WBP2NL: variants seen among roughly 807,000 people sequenced by gnomAD.
WBP2NL encodes WBP2 N-terminal like, also known as postacrosomal sheath WW domain-binding protein.
Under a neutral mutation model 23.3 loss-of-function variants are expected in WBP2NL, and 27 were observed. That is an observed-to-expected ratio of 1.16 (90% CI 0.85 to 1.60). The LOEUF (loss-of-function observed/expected upper bound fraction) is 1.60, where lower values mean the gene tolerates loss of function less well. WBP2NL is among the 40% of genes most tolerant of loss of function. The pLI is 0.00. For synonymous variants in WBP2NL, 151 were observed against 145.9 expected, an observed-to-expected ratio of 1.03 and a Z score of -0.25; for missense variants, 370 against 389.5, an observed-to-expected ratio of 0.95 and a Z score of 0.42.
At chr22:42,032,503 T>C, downstream of WBP2NL, 1 of 249,108 alleles carries the variant, frequency 4.0e-6, no homozygotes, top group Non-Finnish European at 8.3e-6. Context: ...AGAAAGCCTT[T>C]GCCTTCATGT....
chr22:42,053,816 T>C (rs1266908360), intron 8 of WBP2NL, among the ~76,000 whole-genome samples: 1 of 152,228 alleles, frequency 6.6e-6, no homozygotes, highest in Non-Finnish European at 1.5e-5. Context: ...TGGAGATATG[T>C]CTATTCAAAT....
chr22:42,014,929 A>AT (rs1181507553), intron 1 of WBP2NL, among the ~76,000 whole-genome samples: 1 of 152,178 alleles, frequency 6.6e-6, no homozygotes, highest in Non-Finnish European at 1.5e-5. Flanking sequence ...ACAATAGTTT[A>AT]TTTAAAGTGT....
At chr22:42,019,244 A>G in intron 1 of WBP2NL, 67 bp from the exon 2 acceptor site, 1 of 1,478,682 alleles carries the variant, frequency 6.8e-7, no homozygotes, top group Non-Finnish European at 9.3e-7. Flanking sequence ...AATTGCGTTA[A>G]GAACTTTATG....
At chr22:42,001,091 T>G in intron 1 of WBP2NL, 1 of 1,028,238 alleles carries the variant, frequency 9.7e-7, no homozygotes. Flanking sequence ...CTTGGTTTCA[T>G]CATACAAGAC....
chr22:42,016,321 T>TC (rs34891893), intron 1 of WBP2NL, among the ~76,000 whole-genome samples: 7,757 of 152,132 alleles, frequency 0.051, 281 homozygotes, highest in Admixed American at 0.087. Flanking sequence ...GCCTCATCAG[T>TC]CCCGGGAAAA....
At chr22:42,057,340 T>TAGTTGA (rs1926077650) in intron 8 of WBP2NL, among the ~76,000 whole-genome samples, 1 of 152,216 alleles carries the variant, frequency 6.6e-6, no homozygotes, top group Non-Finnish European at 1.5e-5. Context: ...TCATTTCAAC[T>TAGTTGA]ATTGTACTTT....
intron 1 of WBP2NL, among the ~76,000 whole-genome samples, chr22:42,000,601 C>G (rs1921538027): frequency 6.6e-6 from 1 of 152,048 alleles, no homozygotes; most frequent in African/African-American, 2.4e-5. Context: ...TGAATAGTTG[C>G]CACTGATAAA....
chr22:42,028,548 A>G (rs1425758986), downstream of WBP2NL: 1 of 152,590 alleles, frequency 6.6e-6, no homozygotes, highest in Non-Finnish European at 1.5e-5. Context: ...TCAAGGGTTC[A>G]CTCCCATATA....
chr22:42,001,969 C>T (rs917169286), intron 1 of WBP2NL: 12 of 1,244,562 alleles, frequency 9.6e-6, no homozygotes, highest in Middle Eastern at 2.9e-4. Flanking sequence ...TCTGTGATGT[C>T]GAAAGAGGAG....
intron 1 of WBP2NL, among the ~76,000 whole-genome samples, chr22:42,015,088 A>T (rs757302755): frequency 6.6e-6 from 1 of 152,228 alleles, no homozygotes; most frequent in Non-Finnish European, 1.5e-5. Flanking sequence ...ATTTTAATGT[A>T]GTAACTCTGG....
intron 8 of WBP2NL, among the ~76,000 whole-genome samples, chr22:42,046,960 T>C (rs926899776): frequency 1.3e-5 from 2 of 152,206 alleles, no homozygotes; most frequent in African/African-American, 4.8e-5. Flanking sequence ...TTCAGGTATC[T>C]AACTCATTTC....
intron 8 of WBP2NL, among the ~76,000 whole-genome samples, chr22:42,046,459 A>G (rs905227636): frequency 6.6e-6 from 1 of 152,226 alleles, no homozygotes; most frequent in African/African-American, 2.4e-5. Flanking sequence ...ATGAATAAAA[A>G]AATTTTTCTA....
chr22:42,056,387 G>A (rs1926030867), intron 8 of WBP2NL, among the ~76,000 whole-genome samples: 1 of 152,086 alleles, frequency 6.6e-6, no homozygotes, highest in Non-Finnish European at 1.5e-5. Flanking sequence ...CTGCATTTAA[G>A]TTACCTTTTA....
chr22:42,041,734 C>T (rs2146816908), intron 8 of WBP2NL, among the ~76,000 whole-genome samples: 1 of 152,126 alleles, frequency 6.6e-6, no homozygotes, highest in South Asian at 2.1e-4. Context: ...AAATTGGGCA[C>T]CACCATTACA....
chr22:42,040,443 G>T (rs898488381), intron 8 of WBP2NL, among the ~76,000 whole-genome samples: 1 of 152,096 alleles, frequency 6.6e-6, no homozygotes, highest in Non-Finnish European at 1.5e-5. Flanking sequence ...GGCTAGTCTT[G>T]AACTCCTGAC....
intron 8 of WBP2NL, among the ~76,000 whole-genome samples, chr22:42,048,557 C>A (rs1000258986): frequency 4.3e-4 from 65 of 151,832 alleles, no homozygotes; most frequent in African/African-American, 1.4e-3. Flanking sequence ...GAGATCGAGA[C>A]CATCCTGGCT....
chr22:42,036,408 T>C (rs1300300923), downstream of WBP2NL, among the ~76,000 whole-genome samples: 1 of 152,216 alleles, frequency 6.6e-6, no homozygotes, highest in African/African-American at 2.4e-5. Context: ...TCTCTTGGCC[T>C]TGTGATCTCC....
At chr22:42,054,047 C>T (rs1184746530) in intron 8 of WBP2NL, among the ~76,000 whole-genome samples, 1 of 152,150 alleles carries the variant, frequency 6.6e-6, no homozygotes, top group Non-Finnish European at 1.5e-5. Flanking sequence ...CCATCCCAGC[C>T]TCCCAGTGTG....
At chr22:42,049,418 C>T (rs1327298971) in intron 8 of WBP2NL, among the ~76,000 whole-genome samples, 3 of 152,076 alleles carry the variant, frequency 2.0e-5, no homozygotes, top group African/African-American at 4.8e-5. Flanking sequence ...AGGCCGGGCA[C>T]GGTGGCTCAT....
Sources: allele counts gnomAD v4.1 joint callset (sites outside exome capture counted in the v4.1 genomes callset), GRCh38; gene constraint gnomAD v4.1.1; transcripts MANE v1.5; gene names NCBI Gene and HGNC (gene_info 2026-07-23, HGNC 2026-07-21).